The following TEAD1 variants were observed in gnomAD, a reference collection of about 807,000 sequenced individuals.
TEAD1 encodes TEA domain transcription factor 1, also known as transcriptional enhancer factor TEF-1.
Under a neutral mutation model 54.9 loss-of-function variants are expected in TEAD1, and 9 were observed. That is an observed-to-expected ratio of 0.16 (90% confidence interval 0.10 to 0.29). The LOEUF (loss-of-function observed/expected upper bound fraction) is 0.29, where lower values mean the gene tolerates loss of function less well. Among genes scored for constraint, TEAD1 ranks in the 10% least tolerant of loss-of-function variants. TEAD1 has a pLI of 1.00. For synonymous variants in TEAD1, 200 were observed against 187.8 expected, an observed-to-expected ratio of 1.07 and a Z score of -0.53; for missense variants, 387 against 535.9, an observed-to-expected ratio of 0.72 and a Z score of 2.74.
intron 10 of TEAD1, among the ~76,000 whole-genome samples, chr11:12,904,265 A>G (rs535306027): frequency 8.2e-6 from 1 of 122,332 alleles, no homozygotes; most frequent in Admixed American, 7.5e-5. Context: ...TGAACACATA[A>G]GTTTTATCAC....
At chr11:12,749,155 C>T (rs1254258701) in intron 2 of TEAD1, among the ~76,000 whole-genome samples, 1 of 152,034 alleles carries the variant, frequency 6.6e-6, no homozygotes, top group East Asian at 1.9e-4. Context: ...TTTGTTTTGC[C>T]TGTGGGGGAC....
chr11:12,825,115 T>G (rs1466225072), intron 3 of TEAD1, among the ~76,000 whole-genome samples: 3 of 152,216 alleles, frequency 2.0e-5, no homozygotes, highest in Non-Finnish European at 2.9e-5. Context: ...CGTAAAGTCT[T>G]CAAGAAAGAT....
chr11:12,806,306 C>T (rs1946170811), intron 3 of TEAD1, among the ~76,000 whole-genome samples: 1 of 152,232 alleles, frequency 6.6e-6, no homozygotes, highest in African/African-American at 2.4e-5. Context: ...CTCCTGCTAA[C>T]AGCTGTTCCC....
At chr11:12,734,600 T>C (rs1042168291) in intron 2 of TEAD1, among the ~76,000 whole-genome samples, 1 of 152,214 alleles carries the variant, frequency 6.6e-6, no homozygotes, top group Non-Finnish European at 1.5e-5. Context: ...ACCATTTTAA[T>C]CTTTTATACC....
chr11:12,758,472 G>A (rs1178187625), intron 2 of TEAD1, among the ~76,000 whole-genome samples: 6 of 146,848 alleles, frequency 4.1e-5, no homozygotes, highest in South Asian at 2.2e-4. Flanking sequence ...GTGCAGTGGC[G>A]CAATCTCAGC....
chr11:12,907,510 G>C (rs1948541342), intron 10 of TEAD1, among the ~76,000 whole-genome samples: 1 of 151,634 alleles, frequency 6.6e-6, no homozygotes, highest in Non-Finnish European at 1.5e-5. Context: ...TATTTCTTTT[G>C]CCCTCTTTTT....
intron 10 of TEAD1, among the ~76,000 whole-genome samples, chr11:12,919,982 C>T (rs942277187): frequency 1.3e-5 from 2 of 152,128 alleles, no homozygotes; most frequent in Admixed American, 1.3e-4. Flanking sequence ...CTCCTTGTTC[C>T]AGTGGTTAAA....
intron 2 of TEAD1, among the ~76,000 whole-genome samples, chr11:12,738,383 A>G (rs1237821351): frequency 6.6e-6 from 1 of 152,212 alleles, no homozygotes; most frequent in Non-Finnish European, 1.5e-5. Context: ...AGCCCAAAGA[A>G]TAGGTGTCTG....
At chr11:12,929,608 T>C (rs2134169184) in intron 11 of TEAD1, among the ~76,000 whole-genome samples, 2 of 152,292 alleles carry the variant, frequency 1.3e-5, no homozygotes, top group Non-Finnish European at 2.9e-5. Flanking sequence ...TCTTAATTCC[T>C]TTTGATCCAA....
chr11:12,726,520 A>G (rs981482477), intron 2 of TEAD1, among the ~76,000 whole-genome samples: 1 of 151,594 alleles, frequency 6.6e-6, no homozygotes, highest in African/African-American at 2.4e-5. Context: ...TAAGTAAACA[A>G]TGACCACTGA....
intron 3 of TEAD1, among the ~76,000 whole-genome samples, chr11:12,768,782 C>T (rs1197824191): frequency 6.6e-6 from 1 of 152,178 alleles, no homozygotes; most frequent in Non-Finnish European, 1.5e-5. Flanking sequence ...ATGGAGCTAT[C>T]TCAAGTTCAT....
In TEAD1 at chr11:12,699,494, A is replaced by G. The variant is rs537823719; in HGVS notation, c.-55+23933A>G. On this transcript the variant is annotated intron_variant, in intron 2 of 12. Coordinates refer to ENST00000527636, the MANE Select transcript of TEAD1 (RefSeq NM_021961.6). ...ATATACACCAATAGTACTTCAGAGC[A>G]TTTTTCAGTTAGAGTCATGCCAGCC... Among the ~76,000 whole-genome samples the G allele has an allele frequency of 2.0e-5, 3 of 152,272 alleles. No individual in the cohort carries two copies. In the East Asian group the frequency reaches 5.8e-4, roughly 29 times the overall value.
At chr11:12,877,562 G>A (rs975168752) in intron 5 of TEAD1, among the ~76,000 whole-genome samples, 5 of 152,066 alleles carry the variant, frequency 3.3e-5, no homozygotes, top group Non-Finnish European at 7.4e-5. Flanking sequence ...AGGAGGCTGA[G>A]GTAGGAGAAT....
At chr11:12,797,855 C>G (rs903930786) in intron 3 of TEAD1, among the ~76,000 whole-genome samples, 3 of 152,058 alleles carry the variant, frequency 2.0e-5, no homozygotes, top group Non-Finnish European at 2.9e-5. Context: ...TTGAAACCTC[C>G]TATTTGATTT....
intron 5 of TEAD1, among the ~76,000 whole-genome samples, chr11:12,870,718 T>C (rs535323267): frequency 1.3e-5 from 2 of 152,116 alleles, no homozygotes; most frequent in African/African-American, 4.8e-5. Flanking sequence ...AAACCCCGTC[T>C]CTACTAAAAT....
chr11:12,678,885 A>G (rs568636782), intron 2 of TEAD1, among the ~76,000 whole-genome samples: 1 of 152,358 alleles, frequency 6.6e-6, no homozygotes, highest in African/African-American at 2.4e-5. Flanking sequence ...GTGGTACAGA[A>G]TAGGGTAGCT....
chr11:12,786,744 A>G (rs962159818), intron 3 of TEAD1, among the ~76,000 whole-genome samples: 2 of 152,334 alleles, frequency 1.3e-5, no homozygotes, highest in Admixed American at 1.3e-4. Context: ...CATGGAGCTT[A>G]CATTCTAGTG....
intron 3 of TEAD1, chr11:12,850,975 A>C: frequency 2.8e-6 from 2 of 721,262 alleles, no homozygotes; most frequent in Non-Finnish European, 3.4e-6. Flanking sequence ...TCACTGAAAT[A>C]GTTGCAACTT....
chr11:12,886,944 T>A (rs1948097889), intron 9 of TEAD1, among the ~76,000 whole-genome samples: 1 of 152,200 alleles, frequency 6.6e-6, no homozygotes, highest in Non-Finnish European at 1.5e-5. Flanking sequence ...CAGAGCTCTG[T>A]CACTGCTGTG....
Sources: gnomAD v4.1 joint callset for allele counts (sites outside exome capture counted in the v4.1 genomes callset) on GRCh38, gnomAD v4.1.1 for gene constraint, MANE v1.5 for transcripts, NCBI Gene and HGNC (gene_info 2026-07-23, HGNC 2026-07-21) for gene names.